GNAL: variants seen among roughly 807,000 people sequenced by gnomAD.
The protein encoded by GNAL is G protein subunit alpha L.
Under a neutral mutation model 55.1 loss-of-function variants are expected in GNAL, and 18 were observed. That is an observed-to-expected ratio of 0.33 (90% CI 0.23 to 0.48). The LOEUF is 0.48. GNAL is among the 20% of genes least tolerant of loss of function. The probability of loss-of-function intolerance (pLI) is 0.99; values close to 1 mark genes in which losing one functional copy is unlikely to be tolerated. For synonymous variants in GNAL, 253 were observed against 237.0 expected, an observed-to-expected ratio of 1.07 and a Z score of -0.62; for missense variants, 412 against 614.1, an observed-to-expected ratio of 0.67 and a Z score of 3.48.
At chr18:11,867,823 AT>A (rs1231075382) in intron 8 of GNAL, among the ~76,000 whole-genome samples, 2 of 146,610 alleles carry the variant, frequency 1.4e-5, no homozygotes, top group African/African-American at 5.0e-5. Context: ...TCAAAAAAAA[AT>A]AATAATAATA....
chr18:11,786,408 C>T (rs909226804), intron 4 of GNAL, among the ~76,000 whole-genome samples: 1 of 131,306 alleles, frequency 7.6e-6, no homozygotes, highest in Non-Finnish European at 1.6e-5. Flanking sequence ...GCTGAAGAAG[C>T]GTGGTGGGAT....
chr18:11,726,215 G>A (rs560771297), intron 1 of GNAL, among the ~76,000 whole-genome samples: 1 of 152,314 alleles, frequency 6.6e-6, no homozygotes, highest in Non-Finnish European at 1.5e-5. Flanking sequence ...TGTGTTGGCT[G>A]TTGACTTTCC....
At chr18:11,794,759 TAAAAAAAAAAAAAA>T (rs775143875) in intron 4 of GNAL, among the ~76,000 whole-genome samples, 1 of 90,376 alleles carries the variant, frequency 1.1e-5, no homozygotes, top group Admixed American at 1.2e-4. Context: ...ACACACAGGT[TAAAAAAAAAAAAAA>T]AAAAAAAAAA....
chr18:11,884,548 C>T lies in GNAL; in HGVS notation c.*3413C>T, dbSNP rs758771933. The stretch of plus-strand genomic sequence containing the variant: ...GAGGACCACAAGGAAGCCCACCACT[C>T]CACAGTAGATGATCAAAACCACATC... On this transcript the variant is annotated 3_prime_UTR_variant, in exon 12 of 12. Transcript: ENST00000334049. The T allele has an allele frequency of 3.1e-6, 5 of 1,613,948 alleles. No individual in the cohort carries two copies. In the African/African-American group the frequency reaches 4.0e-5, roughly 13 times the overall value.
Position 11,729,572 on chromosome 18 carries a change from T to C in GNAL, c.377-23281T>C, listed in dbSNP as rs115101619. ...TTATTATGTACTTCCTTCATAATACTCATTACCTTTTATTGTAGATATTTG... is the reference window on the plus strand; with the variant it reads ...TTATTATGTACTTCCTTCATAATACCCATTACCTTTTATTGTAGATATTTG... On this transcript the variant is annotated intron_variant, in intron 1 of 11. Transcript: ENST00000334049. 8.3e-3 allele frequency among the ~76,000 whole-genome samples: 1,267 copies of C among 152,336 alleles called. 17 individuals carry two copies. Among genetic ancestry groups the C allele is most frequent in the African/African-American group, 0.029 (1,201 of 41,566 alleles).
In GNAL at chr18:11,882,292, G is replaced by GAAAC. The variant is rs2036714920; in HGVS notation, c.*1159_*1162dup. ...TATGTTTCCTCATTAGTCTGCTAAT[G>GAAAC]AAACACTTCTTCAAGTTCCCCAAGT... On this transcript the variant is annotated 3_prime_UTR_variant, in exon 12 of 12. Coordinates refer to ENST00000334049, the MANE Select transcript of GNAL (RefSeq NM_182978.4). 1 of 152,130 alleles carries GAAAC rather than the reference G, an allele frequency of 6.6e-6. No homozygotes were observed. The highest frequency in any genetic ancestry group is 2.4e-5 in the African/African-American group (1 of 41,428). 9.4% of individuals were successfully genotyped at this position (152,130 alleles called of 1,614,324 possible). A position where few individuals can be genotyped will look rare whatever the true frequency, so the allele number is the denominator to read the frequency against.
intron 4 of GNAL, among the ~76,000 whole-genome samples, chr18:11,822,912 C>T (rs2035143608): frequency 6.8e-6 from 1 of 146,416 alleles, no homozygotes. Flanking sequence ...TAGTGAATAA[C>T]TCTTATGTGA....
intron 1 of GNAL, among the ~76,000 whole-genome samples, chr18:11,690,494 A>G (rs2031211148): frequency 6.6e-6 from 1 of 151,722 alleles, no homozygotes; most frequent in Non-Finnish European, 1.5e-5. Context: ...GTTTTAGGGT[A>G]CATGTGCACA....
At chr18:11,691,971 TACA>T (rs1397327065) in intron 1 of GNAL, among the ~76,000 whole-genome samples, 11 of 152,152 alleles carry the variant, frequency 7.2e-5, no homozygotes. Flanking sequence ...CGTGTGCTCC[TACA>T]ACAATTAGAA....
chr18:11,842,347 G>A (rs889791635), intron 5 of GNAL, among the ~76,000 whole-genome samples: 2 of 152,118 alleles, frequency 1.3e-5, no homozygotes, highest in Non-Finnish European at 2.9e-5. Flanking sequence ...ACCAGGGACT[G>A]GTTTCGTGGA....
At chr18:11,865,487 C>T (rs1286391653) in intron 7 of GNAL, among the ~76,000 whole-genome samples, 10 of 148,546 alleles carry the variant, frequency 6.7e-5, no homozygotes, top group South Asian at 4.2e-4. Flanking sequence ...TAGTGATTCA[C>T]GCCTGTAATC....
At chr18:11,745,553 C>G (rs1044034208) in intron 1 of GNAL, 2 of 152,848 alleles carry the variant, frequency 1.3e-5, no homozygotes, top group South Asian at 4.1e-4. Context: ...CAACCTGACC[C>G]GCTGGTGCCT....
At chr18:11,755,313 T>C (rs545100686) in intron 4 of GNAL, among the ~76,000 whole-genome samples, 8 of 152,184 alleles carry the variant, frequency 5.3e-5, no homozygotes, top group Non-Finnish European at 1.0e-4. Context: ...GGAGTCTCTC[T>C]CTGTCGTCCA....
chr18:11,789,397 G>A (rs1212643595), intron 4 of GNAL, among the ~76,000 whole-genome samples: 3 of 152,172 alleles, frequency 2.0e-5, no homozygotes, highest in Non-Finnish European at 4.4e-5. Flanking sequence ...CTAACATTAC[G>A]GACTGTGATG....
chr18:11,787,279 A>G (rs2143400098), intron 4 of GNAL, among the ~76,000 whole-genome samples: 1 of 152,342 alleles, frequency 6.6e-6, no homozygotes, highest in East Asian at 1.9e-4. Context: ...TTCTGTATCC[A>G]CTTCAAGACA....
chr18:11,740,083 T>G (rs1392277862), intron 1 of GNAL, among the ~76,000 whole-genome samples: 7 of 151,972 alleles, frequency 4.6e-5, no homozygotes, highest in South Asian at 2.1e-4. Flanking sequence ...ATGTATTTAT[T>G]TATTTATTTA....
chr18:11,733,676 CAT>C (rs2032393579), intron 1 of GNAL, among the ~76,000 whole-genome samples: 1 of 152,092 alleles, frequency 6.6e-6, no homozygotes, highest in South Asian at 2.1e-4. Context: ...TCAAATGCCA[CAT>C]GTTCTCATAA....
At chr18:11,761,141 T>C (rs889161553) in intron 4 of GNAL, among the ~76,000 whole-genome samples, 2 of 152,154 alleles carry the variant, frequency 1.3e-5, no homozygotes, top group East Asian at 3.9e-4. Flanking sequence ...CATGGCTTAC[T>C]GTCCACTCCC....
chr18:11,851,660 T>G, intron 5 of GNAL: 1 of 1,614,012 alleles, frequency 6.2e-7, no homozygotes, highest in Non-Finnish European at 8.5e-7. Flanking sequence ...GTTGCGAGGA[T>G]ACACGCCGAA....
Sources: gnomAD v4.1 joint callset for allele counts (sites outside exome capture counted in the v4.1 genomes callset) on GRCh38, gnomAD v4.1.1 for gene constraint, MANE v1.5 for transcripts, NCBI Gene and HGNC (gene_info 2026-07-23, HGNC 2026-07-21) for gene names.